The following SPAG16 variants were observed in gnomAD, a reference collection of about 807,000 sequenced individuals.
SPAG16 encodes the protein sperm-associated antigen 16 protein.
A neutral mutation model predicts 80.4 loss-of-function variants in SPAG16; 86 were observed. The observed-to-expected ratio is 1.07, with a 90% CI of 0.90 to 1.28. The LOEUF is 1.28. SPAG16 is among the 50% of genes most tolerant of loss of function. SPAG16 has a pLI of 0.00. For missense variants in SPAG16, 870 were observed against 765.3 expected (o/e 1.14, Z -1.61); for synonymous variants, 294 against 265.9 (o/e 1.11, Z -1.03).
intron 10 of SPAG16, among the ~76,000 whole-genome samples, chr2:213,716,045 G>A (rs1231838568): frequency 3.9e-5 from 6 of 151,926 alleles, no homozygotes; most frequent in African/African-American, 9.7e-5. Flanking sequence ...AAGATTTCAT[G>A]GGAATTTTCT....
At chr2:213,294,583 A>T (rs915421894) in intron 1 of SPAG16, among the ~76,000 whole-genome samples, 1 of 152,144 alleles carries the variant, frequency 6.6e-6, no homozygotes, top group Non-Finnish European at 1.5e-5. Flanking sequence ...TTATTAGGAG[A>T]GGCACTTATT....
At chr2:214,063,046 T>C (rs2050357046) in intron 13 of SPAG16, among the ~76,000 whole-genome samples, 1 of 152,180 alleles carries the variant, frequency 6.6e-6, no homozygotes, top group Non-Finnish European at 1.5e-5. Flanking sequence ...ATGAAACCAG[T>C]ATAAAAATTC....
chr2:213,841,054 G>A (rs2074338983), intron 10 of SPAG16, among the ~76,000 whole-genome samples: 1 of 152,010 alleles, frequency 6.6e-6, no homozygotes, highest in African/African-American at 2.4e-5. Context: ...ATTTATTTAG[G>A]CATATAGCAT....
chr2:213,595,346 C>A (rs1209631500), intron 10 of SPAG16, among the ~76,000 whole-genome samples: 4 of 152,024 alleles, frequency 2.6e-5, no homozygotes, highest in Non-Finnish European at 5.9e-5. Context: ...TTAATAATAT[C>A]ATTTCTTTGG....
intron 15 of SPAG16, among the ~76,000 whole-genome samples, chr2:214,350,243 A>T (rs35057623): frequency 0.5 from 76,194 of 152,052 alleles, 22,415 homozygotes; most frequent in South Asian, 0.67. Flanking sequence ...TCAAACATGA[A>T]CTCTTCAAGT....
intron 9 of SPAG16, among the ~76,000 whole-genome samples, chr2:213,484,999 CTT>C (rs555509262): frequency 1.4e-5 from 2 of 145,114 alleles, no homozygotes. Context: ...TTTTTCTTTT[CTT>C]TTTTTTTTTT....
chr2:213,493,901 T>C (rs1200022761), intron 10 of SPAG16, among the ~76,000 whole-genome samples: 1 of 152,226 alleles, frequency 6.6e-6, no homozygotes, highest in South Asian at 2.1e-4. Flanking sequence ...ACTGAATTAA[T>C]AGCCTCCACT....
chr2:214,042,007 T>TATATATATAC (rs1371293247), intron 13 of SPAG16, among the ~76,000 whole-genome samples: 8 of 101,222 alleles, frequency 7.9e-5, no homozygotes, highest in African/African-American at 3.0e-4. Flanking sequence ...TATATATATA[T>TATATATATAC]ACACACACAC....
intron 10 of SPAG16, among the ~76,000 whole-genome samples, chr2:213,540,155 C>G (rs952674292): frequency 6.6e-6 from 1 of 151,676 alleles, no homozygotes; most frequent in Admixed American, 6.6e-5. Context: ...CTGCCTCAGC[C>G]TCCTGAGTAG....
At chr2:213,623,267 A>AT (rs1351858044) in intron 10 of SPAG16, among the ~76,000 whole-genome samples, 9 of 152,138 alleles carry the variant, frequency 5.9e-5, no homozygotes, top group African/African-American at 2.2e-4. Flanking sequence ...TGAAGGAGCT[A>AT]CTGGTTTATC....
chr2:214,020,422 C>T (rs2047804213), intron 13 of SPAG16, among the ~76,000 whole-genome samples: 1 of 152,078 alleles, frequency 6.6e-6, no homozygotes. Context: ...TTCCATGTTT[C>T]TTTTATAGCC....
intron 15 of SPAG16, among the ~76,000 whole-genome samples, chr2:214,215,682 C>T (rs1156907524): frequency 6.6e-6 from 1 of 152,194 alleles, no homozygotes; most frequent in African/African-American, 2.4e-5. Context: ...CTTTCCCGTA[C>T]TGTTGCAATG....
chr2:213,950,723 T>TTTTTC (rs200976910), intron 12 of SPAG16, among the ~76,000 whole-genome samples: 3 of 128,914 alleles, frequency 2.3e-5, no homozygotes, highest in African/African-American at 6.0e-5. Flanking sequence ...TTTTTTTTTT[T>TTTTTC]CCCTCAAGAC....
At chr2:214,065,521 TAGTA>T (rs2050490997) in intron 13 of SPAG16, among the ~76,000 whole-genome samples, 1 of 152,126 alleles carries the variant, frequency 6.6e-6, no homozygotes, top group African/African-American at 2.4e-5. Context: ...CACAGGGTGT[TAGTA>T]TTTGAGAATG....
At chr2:214,274,036 G>C (rs2125899498) in intron 15 of SPAG16, among the ~76,000 whole-genome samples, 1 of 152,164 alleles carries the variant, frequency 6.6e-6, no homozygotes, top group Admixed American at 6.5e-5. Context: ...GGATTCCTAG[G>C]TATTTTATTC....
chr2:213,427,037 C>T (rs181170950), intron 9 of SPAG16, among the ~76,000 whole-genome samples: 6 of 151,904 alleles, frequency 3.9e-5, no homozygotes, highest in Admixed American at 2.6e-4. Context: ...TGCCTAAAAA[C>T]AAAACTAGTG....
chr2:214,279,159 C>T (rs567615007), intron 15 of SPAG16, among the ~76,000 whole-genome samples: 8 of 149,774 alleles, frequency 5.3e-5, no homozygotes, highest in Admixed American at 4.0e-4. Context: ...TGCAGTGGCA[C>T]GATCTCAGCT....
At chr2:213,377,885 A>G (rs1218342185) in intron 9 of SPAG16, among the ~76,000 whole-genome samples, 5 of 93,960 alleles carry the variant, frequency 5.3e-5, no homozygotes, top group Non-Finnish European at 1.4e-4. Flanking sequence ...GGATGTGTAT[A>G]TATATATATA....
chr2:213,759,326 G>A (rs1276545152), intron 10 of SPAG16, among the ~76,000 whole-genome samples: 2 of 143,926 alleles, frequency 1.4e-5, no homozygotes, highest in South Asian at 2.4e-4. Flanking sequence ...TGCTTTAAGA[G>A]GTTAATATAT....
Sources: gnomAD v4.1 joint callset for allele counts (sites outside exome capture counted in the v4.1 genomes callset) on GRCh38, gnomAD v4.1.1 for gene constraint, MANE v1.5 for transcripts, NCBI Gene and HGNC (gene_info 2026-07-23, HGNC 2026-07-21) for gene names.